The following LYPD6B variants were observed in gnomAD, a reference collection of about 807,000 sequenced individuals.
The protein encoded by LYPD6B is ly6/PLAUR domain-containing protein 6B.
A neutral mutation model predicts 22.8 loss-of-function variants in LYPD6B; 17 were observed. That is an observed-to-expected ratio of 0.75 (90% CI 0.51 to 1.12). The LOEUF is 1.12. Among genes scored for constraint, LYPD6B ranks in the 50% most tolerant of loss-of-function variants. LYPD6B has a pLI of 0.00. For synonymous variants in LYPD6B, 106 were observed against 91.6 expected, an observed-to-expected ratio of 1.16 and a Z score of -0.90; for missense variants, 221 against 258.3, an observed-to-expected ratio of 0.86 and a Z score of 0.99.
At chr2:149,123,788 A>G (rs1358924562) in intron 1 of LYPD6B, among the ~76,000 whole-genome samples, 4 of 152,198 alleles carry the variant, frequency 2.6e-5, no homozygotes, top group Non-Finnish European at 4.4e-5. Flanking sequence ...TGAACCCAGG[A>G]GGCAGAGGTT....
At chr2:149,178,464 C>T (rs187417559) in intron 3 of LYPD6B, among the ~76,000 whole-genome samples, 58 of 152,098 alleles carry the variant, frequency 3.8e-4, no homozygotes, top group Admixed American at 2.2e-3. Context: ...GCTACCTGAA[C>T]ATTCTGTCCT....
intron 1 of LYPD6B, among the ~76,000 whole-genome samples, chr2:149,059,207 A>G (rs1169781047): frequency 6.6e-6 from 1 of 152,206 alleles, no homozygotes; most frequent in Non-Finnish European, 1.5e-5. Context: ...TTTCGACCCC[A>G]TATCAAGTCC....
At chr2:149,199,262 A>G (rs1383259977) in intron 3 of LYPD6B, among the ~76,000 whole-genome samples, 1 of 152,200 alleles carries the variant, frequency 6.6e-6, no homozygotes, top group Admixed American at 6.5e-5. Context: ...GCAAATGGGC[A>G]CAGTATTTCT....
At chr2:149,195,597 A>G (rs1169176762) in intron 3 of LYPD6B, among the ~76,000 whole-genome samples, 1 of 152,228 alleles carries the variant, frequency 6.6e-6, no homozygotes. Context: ...GAGGAATTTT[A>G]CATTCTGCTG....
At chr2:149,180,764 C>T (rs1175066139) in intron 3 of LYPD6B, among the ~76,000 whole-genome samples, 3 of 152,166 alleles carry the variant, frequency 2.0e-5, no homozygotes, top group African/African-American at 4.8e-5. Flanking sequence ...ATCTGAGAAC[C>T]GGCTCTGCCA....
chr2:149,165,152 T>A (rs1199820990), intron 3 of LYPD6B, among the ~76,000 whole-genome samples: 2 of 152,134 alleles, frequency 1.3e-5, no homozygotes, highest in Non-Finnish European at 2.9e-5. Context: ...ATAGCCTAGC[T>A]CAGCCTCCTT....
intron 3 of LYPD6B, among the ~76,000 whole-genome samples, chr2:149,184,426 TA>T (rs1314539167): frequency 6.6e-6 from 1 of 152,144 alleles, no homozygotes; most frequent in Non-Finnish European, 1.5e-5. Flanking sequence ...CTCAGCCTCA[TA>T]AAGAAACTCT....
intron 1 of LYPD6B, among the ~76,000 whole-genome samples, chr2:149,105,543 A>G (rs1686431030): frequency 6.6e-6 from 1 of 152,070 alleles, no homozygotes; most frequent in South Asian, 2.1e-4. Context: ...TTACCCCTCA[A>G]TGTTTCCATT....
chr2:149,070,224 C>T (rs2105353628), intron 1 of LYPD6B, among the ~76,000 whole-genome samples: 1 of 152,180 alleles, frequency 6.6e-6, no homozygotes, highest in South Asian at 2.1e-4. Context: ...TGCCACAGGA[C>T]GTTGGCATTT....
At chr2:149,149,662 A>C (rs1013922028) in intron 2 of LYPD6B, among the ~76,000 whole-genome samples, 8 of 152,190 alleles carry the variant, frequency 5.3e-5, no homozygotes, top group Non-Finnish European at 1.2e-4. Context: ...TCCTTGATTA[A>C]ATTCTTTTCT....
rs1348597383 is a variant in LYPD6B at position 149,120,944 on chromosome 2, A to G, written c.-66-9939A>G. On this transcript the variant is annotated intron_variant, in intron 1 of 6. Coordinates refer to ENST00000409642, the MANE Select transcript of LYPD6B (RefSeq NM_177964.5). ...GTAACTGGGACTACAGGTGTGCACC[A>G]CCATACCTGGCTAATTTTTGTATTT... 1.3e-5 allele frequency among the ~76,000 whole-genome samples: 2 copies of G among 151,646 alleles called. 1 individual carries two copies. The highest frequency in any genetic ancestry group is 6.4e-3 in the Middle Eastern group (2 of 314).
chr2:149,168,211 CAAA>C (rs386391472), intron 3 of LYPD6B, among the ~76,000 whole-genome samples: 1 of 48,488 alleles, frequency 2.1e-5, no homozygotes, highest in African/African-American at 7.8e-5. Flanking sequence ...GGCTCTGTCT[CAAA>C]AAAAAAAAAA....
intron 3 of LYPD6B, among the ~76,000 whole-genome samples, chr2:149,176,725 C>T (rs879832499): frequency 6.6e-6 from 1 of 152,172 alleles, no homozygotes; most frequent in African/African-American, 2.4e-5. Context: ...CAGGTGACTA[C>T]AGGCAGTTGA....
At chr2:149,088,095 T>TCCCCC (rs11462284) in intron 1 of LYPD6B, among the ~76,000 whole-genome samples, 25 of 144,522 alleles carry the variant, frequency 1.7e-4, no homozygotes, top group Non-Finnish European at 2.9e-4. Context: ...CTCCTGTTGC[T>TCCCCC]CCCCCCACCC....
At chr2:149,058,772 A>G (rs894076734) in intron 1 of LYPD6B, among the ~76,000 whole-genome samples, 1 of 152,278 alleles carries the variant, frequency 6.6e-6, no homozygotes, top group African/African-American at 2.4e-5. Flanking sequence ...GGCGTCTGCC[A>G]CGACGCCCAG....
At chr2:149,152,092 C>G (rs1382582875) in intron 2 of LYPD6B, among the ~76,000 whole-genome samples, 3 of 152,126 alleles carry the variant, frequency 2.0e-5, no homozygotes, top group Non-Finnish European at 4.4e-5. Flanking sequence ...TTTTCAAAAG[C>G]TTTCTTTTCT....
intron 1 of LYPD6B, among the ~76,000 whole-genome samples, chr2:149,089,623 A>G (rs889321363): frequency 3.3e-5 from 5 of 152,176 alleles, no homozygotes; most frequent in Non-Finnish European, 7.3e-5. Context: ...GCTTCAATGG[A>G]TATGGTAGAA....
chr2:149,052,536 G>A (rs551020936), intron 1 of LYPD6B, among the ~76,000 whole-genome samples: 2 of 152,280 alleles, frequency 1.3e-5, no homozygotes, highest in South Asian at 2.1e-4. Flanking sequence ...GAATTTATTC[G>A]TGGAAAATTG....
intron 2 of LYPD6B, among the ~76,000 whole-genome samples, chr2:149,134,466 T>C (rs139251599): frequency 2.3e-4 from 35 of 152,346 alleles, no homozygotes; most frequent in African/African-American, 7.2e-4. Flanking sequence ...CTAAGGTATC[T>C]GTAGGCCTGG....
Sources: gnomAD v4.1 joint callset for allele counts (sites outside exome capture counted in the v4.1 genomes callset) on GRCh38, gnomAD v4.1.1 for gene constraint, MANE v1.5 for transcripts, NCBI Gene and HGNC (gene_info 2026-07-23, HGNC 2026-07-21) for gene names.